LRBA: variants seen among roughly 807,000 people sequenced by gnomAD.
LRBA encodes the protein LPS responsive beige-like anchor protein.
In LRBA, 176 loss-of-function variants were observed where a neutral mutation model predicts 330.0. The ratio of observed to expected loss-of-function variants is 0.53; its 90% CI spans 0.47 to 0.60. The LOEUF (loss-of-function observed/expected upper bound fraction) is 0.60. Ranked by LOEUF, LRBA falls within the 20% of genes least tolerant of loss-of-function variation. LRBA has a pLI of 0.00. For missense variants in LRBA, 3,259 were observed against 3,444.8 expected (o/e 0.95, Z 1.35); for synonymous variants, 1,230 against 1,193.0 (o/e 1.03, Z -0.64).
At chr4:150,531,195 T>C (rs927163931) in intron 40 of LRBA, among the ~76,000 whole-genome samples, 3 of 152,246 alleles carry the variant, frequency 2.0e-5, no homozygotes, top group African/African-American at 7.2e-5. Context: ...CAAATTAATA[T>C]TTTCTAAATG....
At chr4:150,558,414 T>C (rs891076959) in intron 40 of LRBA, among the ~76,000 whole-genome samples, 9 of 152,242 alleles carry the variant, frequency 5.9e-5, no homozygotes. Flanking sequence ...AAACCAAAAC[T>C]AAGTTATTTA....
intron 44 of LRBA, among the ~76,000 whole-genome samples, chr4:150,449,883 A>C (rs1437424705): frequency 2.0e-5 from 3 of 152,188 alleles, no homozygotes; most frequent in African/African-American, 4.8e-5. Context: ...AGGGAGACAA[A>C]GTACAAAGAA....
intron 47 of LRBA, among the ~76,000 whole-genome samples, chr4:150,352,793 A>G (rs1713383388): frequency 6.6e-6 from 1 of 152,344 alleles, no homozygotes; most frequent in South Asian, 2.1e-4. Flanking sequence ...ACATAAAAAC[A>G]GCAATTGTCT....
intron 36 of LRBA, among the ~76,000 whole-genome samples, chr4:150,701,100 A>G (rs1785077750): frequency 6.6e-6 from 1 of 152,166 alleles, no homozygotes; most frequent in Non-Finnish European, 1.5e-5. Context: ...ATTTTGTTAA[A>G]AAGTGAGACA....
chr4:150,540,990 T>C (rs1257717268), intron 40 of LRBA, among the ~76,000 whole-genome samples: 1 of 152,214 alleles, frequency 6.6e-6, no homozygotes, highest in Non-Finnish European at 1.5e-5. Context: ...ATGGTGGCTT[T>C]ATCAGTTCTA....
chr4:150,675,726 A>C (rs545041510), intron 37 of LRBA, among the ~76,000 whole-genome samples: 4 of 151,976 alleles, frequency 2.6e-5, no homozygotes, highest in Non-Finnish European at 5.9e-5. Flanking sequence ...TCAAAAAATA[A>C]ATAAATTAAT....
intron 55 of LRBA, among the ~76,000 whole-genome samples, chr4:150,282,230 C>T: frequency 6.6e-6 from 1 of 152,246 alleles, no homozygotes; most frequent in East Asian, 1.9e-4. Flanking sequence ...AAGGACCGTC[C>T]TCAGCTGCGC....
At position 150,849,445 on chromosome 4, in the gene LRBA, G is replaced by C. The variant is rs1293794467; in HGVS notation, c.4135C>G (p.Leu1379Val). The change falls in exon 25 of 57, where the codon CTT becomes GTT. Residue 1379 changes from leucine to valine, a missense_variant. By Grantham distance (32) the Leu-to-Val change is conservative. Coordinates refer to ENST00000651943, the MANE Select transcript of LRBA (RefSeq NM_001364905.1). ...VMACGGILPL[L>V]SAATSATHEL... Reference sequence around the variant, plus strand: ...ACTGTAGCCGATGTAGCAGCTGAAAGCAATGGCAGTATACCCCCACAAGCC... The same window carrying C: ...ACTGTAGCCGATGTAGCAGCTGAAACCAATGGCAGTATACCCCCACAAGCC... The C allele has an allele frequency of 3.7e-6, 6 of 1,613,820 alleles. No homozygotes were observed. The highest frequency in any genetic ancestry group is 4.2e-6 in the Non-Finnish European group (5 of 1,179,912).
intron 47 of LRBA, 132 bp from the exon 48 acceptor site, chr4:150,350,291 G>A (rs1736958427): frequency 1.4e-6 from 1 of 698,720 alleles, no homozygotes. Context: ...AAAACTTGTG[G>A]CCGGGCGCAG....
intron 26 of LRBA, 128 bp from the exon 27 acceptor site, chr4:150,844,907 T>C: frequency 1.3e-6 from 1 of 743,084 alleles, no homozygotes. Context: ...ATTCAGCTTA[T>C]TCCTAAAATG....
At chr4:150,813,149 C>G (rs1348168116) in intron 31 of LRBA, among the ~76,000 whole-genome samples, 3 of 129,020 alleles carry the variant, frequency 2.3e-5, no homozygotes, top group Non-Finnish European at 4.9e-5. Flanking sequence ...CAAAGACAGA[C>G]CCTGTCTCAA....
chr4:150,678,498 C>T (rs1054230876), intron 37 of LRBA, among the ~76,000 whole-genome samples: 1 of 152,100 alleles, frequency 6.6e-6, no homozygotes, highest in African/African-American at 2.4e-5. Context: ...TGGCCACAGG[C>T]ATTTAAAGTA....
intron 44 of LRBA, among the ~76,000 whole-genome samples, chr4:150,461,557 T>C (rs1053441814): frequency 1.2e-3 from 175 of 151,814 alleles, no homozygotes; most frequent in Non-Finnish European, 1.8e-3. Context: ...AAAACAATAA[T>C]GTTACCTACT....
intron 15 of LRBA, among the ~76,000 whole-genome samples, chr4:150,897,285 A>T (rs1268828313): frequency 6.6e-6 from 1 of 151,984 alleles, no homozygotes; most frequent in Non-Finnish European, 1.5e-5. Context: ...TAGAATATTA[A>T]ATTTTACTTT....
chr4:150,354,662 T>C (rs1737594526), intron 47 of LRBA, among the ~76,000 whole-genome samples: 3 of 152,080 alleles, frequency 2.0e-5, no homozygotes, highest in Non-Finnish European at 4.4e-5. Flanking sequence ...CTCACACGAA[T>C]GTTCAATCCA....
chr4:150,685,420 A>AT (rs70941424), intron 36 of LRBA, among the ~76,000 whole-genome samples: 13 of 17,438 alleles, frequency 7.5e-4, no homozygotes, highest in South Asian at 5.0e-3. Flanking sequence ...ATATATATAT[A>AT]TTTTTTTTTT....
At chr4:150,780,874 T>C (rs1022864971) in intron 34 of LRBA, among the ~76,000 whole-genome samples, 7 of 150,978 alleles carry the variant, frequency 4.6e-5, no homozygotes, top group Non-Finnish European at 8.9e-5. Context: ...TGCATTTTAT[T>C]TTATTTATTT....
Position 150,900,119 on chromosome 4 carries a change from CATG to C in LRBA, c.1851_1853del (p.Ile617del). ...CCCAGTAGTAGTACTTCAGCGTGTGCATGATGAGAAGCACTGTTCCAACTCTCC... is the reference window on the plus strand; with the variant it reads ...CCCAGTAGTAGTACTTCAGCGTGTGCATGAGAAGCACTGTTCCAACTCTCC... On this transcript the variant is annotated inframe_deletion, in exon 14 of 57. Coordinates refer to ENST00000651943, the MANE Select transcript of LRBA (RefSeq NM_001364905.1). 1 of 1,613,114 alleles carries C rather than the reference CATG, an allele frequency of 6.2e-7. No individual in the cohort carries two copies. The highest frequency in any genetic ancestry group is 1.3e-5 in the African/African-American group (1 of 75,008).
chr4:150,287,111 C>G (rs956776465), intron 53 of LRBA, among the ~76,000 whole-genome samples: 5 of 152,164 alleles, frequency 3.3e-5, no homozygotes, highest in African/African-American at 1.2e-4. Context: ...GACAAATGTG[C>G]CCACAGAGTA....
Sources: gnomAD v4.1 joint callset for allele counts (sites outside exome capture counted in the v4.1 genomes callset) on GRCh38, gnomAD v4.1.1 for gene constraint, MANE v1.5 for transcripts, NCBI Gene and HGNC (gene_info 2026-07-23, HGNC 2026-07-21) for gene names.